The following CDKL3 variants were observed in gnomAD, a reference collection of about 807,000 sequenced individuals.
The protein encoded by CDKL3 is cyclin dependent kinase like 3.
Under a neutral mutation model 69.3 loss-of-function variants are expected in CDKL3, and 65 were observed. That is an observed-to-expected ratio of 0.94 (90% CI 0.77 to 1.15). CDKL3 has a LOEUF of 1.15. Ranked by LOEUF, CDKL3 falls within the 50% of genes most tolerant of loss-of-function variation. CDKL3 has a pLI of 0.00. For missense variants in CDKL3, 652 were observed against 689.2 expected, an observed-to-expected ratio of 0.95 and a Z score of 0.61; for synonymous variants, 202 against 221.6, an observed-to-expected ratio of 0.91 and a Z score of 0.79.
intron 4 of CDKL3, among the ~76,000 whole-genome samples, chr5:134,326,332 A>T (rs185044839): frequency 3.3e-5 from 5 of 152,274 alleles, no homozygotes; most frequent in Non-Finnish European, 5.9e-5. Flanking sequence ...TCTTAAAGGG[A>T]TCCCCTATTT....
At chr5:134,319,543 T>C in intron 5 of CDKL3, 46 bp from the exon 6 acceptor site, 1 of 1,441,792 alleles carries the variant, frequency 6.9e-7, no homozygotes, top group Non-Finnish European at 9.3e-7. Context: ...AGAAATAGTC[T>C]ATAATCAAAA....
chr5:134,298,619 T>C lies in CDKL3; in HGVS notation c.*32A>G. On this transcript the variant is annotated 3_prime_UTR_variant, in exon 13 of 13. Coordinates refer to ENST00000265334, the MANE Select transcript of CDKL3 (RefSeq NM_001113575.2). ...AATAAAACGGGAAGAGTTGTCATCT[T>C]GTATTTTTTGGACTATGTAAAAGAA... 1 of 1,602,548 alleles carries C rather than the reference T, an allele frequency of 6.2e-7. No individual in the cohort carries two copies. The highest frequency in any genetic ancestry group is 8.5e-7 in the Non-Finnish European group (1 of 1,176,742).
chr5:134,360,490 C>T (rs550268486), intron 2 of CDKL3, among the ~76,000 whole-genome samples: 42 of 152,244 alleles, frequency 2.8e-4, no homozygotes, highest in African/African-American at 9.4e-4. Flanking sequence ...TAGGTGTGCA[C>T]CATCATGCCC....
upstream of CDKL3, among the ~76,000 whole-genome samples, chr5:134,367,781 A>G (rs1443009030): frequency 6.6e-6 from 1 of 152,240 alleles, no homozygotes; most frequent in Non-Finnish European, 1.5e-5. Context: ...CCCTCACCAC[A>G]TGTCAAACTC....
rs977787588 is a variant in CDKL3 at position 134,306,673 on chromosome 5, G to C, written c.1394C>G (p.Thr465Ser). 45 of 1,569,968 alleles carry C rather than the reference G, an allele frequency of 2.9e-5. No individual in the cohort carries two copies. The highest frequency in any genetic ancestry group is 3.3e-5 in the Non-Finnish European group (39 of 1,164,424). ...RLTERAKKRR[T>S]SSQSIGQVMP... ...AACTTGTCCAATAGATTGTGAAGAA[G>C]TGCGTCTCTTTTTTGCTCTTTCAGT... Residue 465 changes from threonine to serine, a missense_variant, in exon 10 of 13, where the codon ACT becomes AGT. Physicochemically the swap from Thr to Ser is moderately conservative, Grantham distance 58. Transcript: ENST00000265334.
intron 8 of CDKL3, among the ~76,000 whole-genome samples, chr5:134,290,056 A>T (rs138579616): frequency 5.6e-4 from 86 of 152,258 alleles, no homozygotes; most frequent in African/African-American, 2.0e-3. Context: ...AGTGAACAAG[A>T]CGTTAAAACT....
intron 12 of CDKL3, among the ~76,000 whole-genome samples, chr5:134,300,001 T>G (rs1454730666): frequency 6.6e-6 from 1 of 152,214 alleles, no homozygotes; most frequent in East Asian, 1.9e-4. Context: ...TTATAGAACC[T>G]ATTCAATGCA....
upstream of CDKL3, among the ~76,000 whole-genome samples, chr5:134,367,882 T>C (rs1245670627): frequency 6.6e-6 from 1 of 152,136 alleles, no homozygotes; most frequent in Non-Finnish European, 1.5e-5. Flanking sequence ...ACTGCTTAAG[T>C]AGACATAGAG....
chr5:134,335,158 C>T (rs1463687655), intron 4 of CDKL3, among the ~76,000 whole-genome samples: 13 of 141,544 alleles, frequency 9.2e-5, no homozygotes, highest in Non-Finnish European at 1.4e-4. Flanking sequence ...TTTTTTTTTC[C>T]GCTTTCCATT....
intron 6 of CDKL3, among the ~76,000 whole-genome samples, chr5:134,313,235 G>C (rs1033347513): frequency 6.6e-6 from 1 of 152,066 alleles, no homozygotes; most frequent in Admixed American, 6.6e-5. Flanking sequence ...AAATTTTTTA[G>C]AGACAGGTTC....
At chr5:134,350,885 T>C (rs897120999) in intron 3 of CDKL3, among the ~76,000 whole-genome samples, 1 of 151,470 alleles carries the variant, frequency 6.6e-6, no homozygotes, top group Non-Finnish European at 1.5e-5. Context: ...AAATAACTTA[T>C]TGAAATTTTA....
chr5:134,289,071 A>G (rs1201363555), intron 8 of CDKL3, among the ~76,000 whole-genome samples: 4 of 149,842 alleles, frequency 2.7e-5, no homozygotes, highest in African/African-American at 2.5e-5. Flanking sequence ...CTGAGGCAAG[A>G]GGATTGCTTG....
At chr5:134,314,177 A>C (rs1315059714) in intron 6 of CDKL3, among the ~76,000 whole-genome samples, 2 of 152,124 alleles carry the variant, frequency 1.3e-5, no homozygotes, top group African/African-American at 4.8e-5. Flanking sequence ...AAACAAATTA[A>C]AAAAACCCTG....
intron 6 of CDKL3, among the ~76,000 whole-genome samples, chr5:134,313,997 T>C (rs1212949615): frequency 6.6e-6 from 1 of 151,626 alleles, no homozygotes; most frequent in Non-Finnish European, 1.5e-5. Context: ...AATACAAAAT[T>C]AGCCGGGTGT....
At chr5:134,359,069 T>C (rs1033565688) in intron 3 of CDKL3, among the ~76,000 whole-genome samples, 8 of 152,056 alleles carry the variant, frequency 5.3e-5, no homozygotes, top group African/African-American at 1.9e-4. Context: ...GCAAATCACT[T>C]GAGCCCAGGA....
downstream of CDKL3, among the ~76,000 whole-genome samples, chr5:134,283,536 C>T (rs113004948): frequency 0.033 from 4,872 of 147,344 alleles, 122 homozygotes; most frequent in Non-Finnish European, 0.049. Flanking sequence ...ACAAGAACAG[C>T]ATGGAAAAAA....
intron 3 of CDKL3, among the ~76,000 whole-genome samples, chr5:134,352,182 C>G (rs1397994561): frequency 6.6e-6 from 1 of 152,126 alleles, no homozygotes; most frequent in Non-Finnish European, 1.5e-5. Flanking sequence ...ATAACGTCCT[C>G]CAGGTTTATC....
chr5:134,321,440 GACTCA>G (rs1272077761), intron 5 of CDKL3, among the ~76,000 whole-genome samples: 3 of 152,118 alleles, frequency 2.0e-5, no homozygotes, highest in African/African-American at 7.2e-5. Context: ...AAAAGCATCT[GACTCA>G]ACTCTACTAT....
chr5:134,289,695 C>G (rs1765038565), intron 8 of CDKL3, among the ~76,000 whole-genome samples: 2 of 152,146 alleles, frequency 1.3e-5, no homozygotes, highest in African/African-American at 4.8e-5. Flanking sequence ...GACTCCAGCT[C>G]TTGAAAATGC....
Sources: allele counts gnomAD v4.1 joint callset (sites outside exome capture counted in the v4.1 genomes callset), GRCh38; gene constraint gnomAD v4.1.1; transcripts MANE v1.5; gene names NCBI Gene and HGNC (gene_info 2026-07-23, HGNC 2026-07-21).